The following TTLL13 variants were observed in gnomAD, a reference collection of about 807,000 sequenced individuals.
TTLL13 encodes tubulin polyglutamylase TTLL13.
chr15:90,253,746 C>T, the TTLL13 span, among the ~76,000 whole-genome samples: 1 of 152,172 alleles, frequency 6.6e-6, no homozygotes, highest in African/African-American at 2.4e-5. Flanking sequence ...TTTAGCATTC[C>T]ACATCCATTA....
At chr15:90,258,636 G>T in the TTLL13 span, 1 of 969,698 alleles carries the variant, frequency 1.0e-6, no homozygotes, top group African/African-American at 1.6e-5. Context: ...CTCCCCGGCT[G>T]AGGCCATGGG....
chr15:90,254,861 A>G, the TTLL13 span, among the ~76,000 whole-genome samples: 1 of 152,188 alleles, frequency 6.6e-6, no homozygotes, highest in African/African-American at 2.4e-5. Context: ...AGGGGGAAAA[A>G]AAAAGGATAA....
chr15:90,256,546 T>G, the TTLL13 span, among the ~76,000 whole-genome samples: 1 of 18,274 alleles, frequency 5.5e-5, no homozygotes, highest in Non-Finnish European at 9.9e-5. Context: ...CTCCTTCCTT[T>G]TTCTTTCTTT....
At chr15:90,256,602 TTTCTTTCCTTCC>T in the TTLL13 span, among the ~76,000 whole-genome samples, 720 of 28,958 alleles carry the variant, frequency 0.025, 7 homozygotes, top group African/African-American at 0.055. Flanking sequence ...TCTTTCTTTC[TTTCTTTCCTTCC>T]TTCCTTCCTT....
the TTLL13 span, among the ~76,000 whole-genome samples, chr15:90,256,562 TTTCTTTC>T: frequency 1.2e-4 from 5 of 43,438 alleles, no homozygotes; most frequent in Admixed American, 2.6e-4. Flanking sequence ...TCTTTCTTTC[TTTCTTTC>T]TTTCTTTCTT....
the TTLL13 span, chr15:90,265,334 C>T: frequency 2.4e-6 from 3 of 1,225,156 alleles, no homozygotes; most frequent in Non-Finnish European, 2.0e-6. Context: ...GCCCAAGGCA[C>T]TGGGCTGTCG....
chr15:90,256,545 TTTTC>T, the TTLL13 span, among the ~76,000 whole-genome samples: 5,420 of 104,848 alleles, frequency 0.052, 137 homozygotes, highest in Middle Eastern at 0.086. Context: ...TCTCCTTCCT[TTTTC>T]TTTCTTTCTT....
the TTLL13 span, among the ~76,000 whole-genome samples, chr15:90,264,214 C>A: frequency 6.6e-6 from 1 of 151,776 alleles, no homozygotes; most frequent in Non-Finnish European, 1.5e-5. Context: ...TTTTTTGAGA[C>A]AAGGTCACGC....
At chr15:90,263,833 G>T in the TTLL13 span, 1 of 748,120 alleles carries the variant, frequency 1.3e-6, no homozygotes, top group Non-Finnish European at 2.3e-6. Flanking sequence ...CACAGAGCAG[G>T]GCGCTCCTCA....
chr15:90,256,542 C>CCTTTTT, the TTLL13 span, among the ~76,000 whole-genome samples: 1 of 146,322 alleles, frequency 6.8e-6, no homozygotes, highest in Non-Finnish European at 1.5e-5. Flanking sequence ...CTGTCTCCTT[C>CCTTTTT]CTTTTTCTTT....
the TTLL13 span, among the ~76,000 whole-genome samples, chr15:90,264,472 A>G: frequency 7.2e-5 from 11 of 152,182 alleles, no homozygotes; most frequent in Non-Finnish European, 1.5e-5. Flanking sequence ...CACCAGGCCT[A>G]TTTAATCCTT....
At chr15:90,251,131 T>C in the TTLL13 span, among the ~76,000 whole-genome samples, 1 of 145,476 alleles carries the variant, frequency 6.9e-6, no homozygotes, top group Non-Finnish European at 1.5e-5. Context: ...TTTTTTTTTT[T>C]GAGACAGAGT....
chr15:90,253,779 G>A, the TTLL13 span, among the ~76,000 whole-genome samples: 5 of 152,172 alleles, frequency 3.3e-5, no homozygotes, highest in East Asian at 3.8e-4. Context: ...GTCCTGCCTG[G>A]TGGCAAGAAA....
the TTLL13 span, chr15:90,262,491 G>C: frequency 6.8e-7 from 1 of 1,478,564 alleles, no homozygotes; most frequent in Non-Finnish European, 8.9e-7. Flanking sequence ...TGTCTTGTCA[G>C]GCAGCAACTA....
the TTLL13 span, chr15:90,262,299 G>T: frequency 7.9e-7 from 1 of 1,263,234 alleles, no homozygotes; most frequent in African/African-American, 1.5e-5. Flanking sequence ...AAGAGGAATG[G>T]AGCTATAAAT....
chr15:90,263,315 C>T, the TTLL13 span: 9 of 601,518 alleles, frequency 1.5e-5, no homozygotes, highest in South Asian at 2.3e-5. Context: ...ATTCCTTTTG[C>T]GTCTGTTCCC....
the TTLL13 span, chr15:90,264,057 C>T: frequency 2.4e-5 from 36 of 1,527,860 alleles, no homozygotes; most frequent in East Asian, 8.1e-4. Flanking sequence ...GGCTCACTAG[C>T]CGTAAGTATG....
the TTLL13 span, chr15:90,262,966 C>G: frequency 1.3e-6 from 2 of 1,535,354 alleles, no homozygotes; most frequent in South Asian, 1.2e-5. Context: ...TACCTTGTAG[C>G]TGCTGCCGGG....
the TTLL13 span, chr15:90,262,265 GAA>G: frequency 7.2e-7 from 1 of 1,396,606 alleles, no homozygotes; most frequent in East Asian, 2.5e-5. Context: ...TCCCAGCAGG[GAA>G]AGAGGAAGCC....
Sources: gnomAD v4.1 joint callset for allele counts (sites outside exome capture counted in the v4.1 genomes callset) on GRCh38, gnomAD v4.1.1 for gene constraint, MANE v1.5 for transcripts, NCBI Gene and HGNC (gene_info 2026-07-23, HGNC 2026-07-21) for gene names.